STARD13: variants seen among roughly 807,000 people sequenced by gnomAD.
STARD13 encodes the protein StAR related lipid transfer domain containing 13.
A neutral mutation model predicts 106.4 loss-of-function variants in STARD13; 62 were observed. The observed-to-expected ratio is 0.58, with a 90% CI of 0.48 to 0.72. The LOEUF (loss-of-function observed/expected upper bound fraction) is 0.72, where lower values mean the gene tolerates loss of function less well. STARD13 is among the 30% of genes least tolerant of loss of function. The pLI is 0.00. For synonymous variants in STARD13, 565 were observed against 553.0 expected (o/e 1.02, Z -0.31); for missense variants, 1,387 against 1,424.0 (o/e 0.97, Z 0.42).
the STARD13 span, among the ~76,000 whole-genome samples, chr13:33,379,611 T>C: frequency 6.6e-6 from 1 of 152,244 alleles, no homozygotes; most frequent in African/African-American, 2.4e-5. Context: ...AATAAATAGA[T>C]AATACTGATG....
the STARD13 span, among the ~76,000 whole-genome samples, chr13:33,578,766 T>C: frequency 2.6e-5 from 4 of 152,122 alleles, no homozygotes; most frequent in Non-Finnish European, 5.9e-5. Flanking sequence ...AAAGGACTTA[T>C]ATCCAGAATC....
At chr13:33,650,164 A>ATGTTTTTTTTTTTTTTTTT in the STARD13 span, among the ~76,000 whole-genome samples, 3 of 48,358 alleles carry the variant, frequency 6.2e-5, no homozygotes, top group East Asian at 7.3e-4. Flanking sequence ...CGTGACTCCA[A>ATGTTTTTTTTTTTTTTTTT]TTTTTTTTTT....
intron 1 of STARD13, among the ~76,000 whole-genome samples, chr13:33,263,780 G>A (rs1890759494): frequency 6.6e-6 from 1 of 152,148 alleles, no homozygotes; most frequent in Non-Finnish European, 1.5e-5. Context: ...TCAGTTAGGT[G>A]CCAGCCACAT....
chr13:33,243,438 T>G (rs1889646355), intron 1 of STARD13, among the ~76,000 whole-genome samples: 1 of 152,060 alleles, frequency 6.6e-6, no homozygotes, highest in Non-Finnish European at 1.5e-5. Flanking sequence ...AGTACCTGGG[T>G]GTGGGAAGGG....
At chr13:33,607,299 CT>C in the STARD13 span, among the ~76,000 whole-genome samples, 2,427 of 137,326 alleles carry the variant, frequency 0.018, 39 homozygotes, top group African/African-American at 0.052. Context: ...ATCATTGTTT[CT>C]TTTTTTTTTT....
At chr13:33,461,846 T>C in the STARD13 span, among the ~76,000 whole-genome samples, 1 of 152,078 alleles carries the variant, frequency 6.6e-6, no homozygotes, top group Non-Finnish European at 1.5e-5. Context: ...CAAAAAAAAA[T>C]CTATCCTCTG....
the STARD13 span, among the ~76,000 whole-genome samples, chr13:33,494,241 C>T: frequency 2.0e-5 from 3 of 152,138 alleles, no homozygotes; most frequent in Admixed American, 1.3e-4. Flanking sequence ...CACCCAGTAT[C>T]CCCTTTCTGA....
At chr13:33,381,675 G>A in the STARD13 span, among the ~76,000 whole-genome samples, 2 of 152,162 alleles carry the variant, frequency 1.3e-5, no homozygotes. Context: ...AGGAGGCGGA[G>A]GTTGCAGTGA....
At chr13:33,495,371 A>T in the STARD13 span, among the ~76,000 whole-genome samples, 6 of 152,292 alleles carry the variant, frequency 3.9e-5, no homozygotes, top group Admixed American at 3.3e-4. Context: ...TTGTTAAGAA[A>T]ATGCTAACTT....
intron 1 of STARD13, among the ~76,000 whole-genome samples, chr13:33,334,589 C>T (rs2077873451): frequency 6.6e-6 from 1 of 152,238 alleles, no homozygotes. Context: ...AGGAGAGACC[C>T]TCAAGAGGTG....
intron 4 of STARD13, among the ~76,000 whole-genome samples, chr13:33,137,067 A>G (rs1281187843): frequency 6.6e-6 from 1 of 152,260 alleles, no homozygotes; most frequent in Non-Finnish European, 1.5e-5. Context: ...TATATTTATC[A>G]GTACTCACCT....
intron 1 of STARD13, among the ~76,000 whole-genome samples, chr13:33,184,031 G>GT (rs992795043): frequency 6.6e-6 from 1 of 152,200 alleles, no homozygotes; most frequent in Admixed American, 6.5e-5. Context: ...AATGGGATGA[G>GT]TTTTTTGGGG....
At chr13:33,421,538 A>G in the STARD13 span, among the ~76,000 whole-genome samples, 3 of 152,062 alleles carry the variant, frequency 2.0e-5, no homozygotes, top group Non-Finnish European at 4.4e-5. Flanking sequence ...TGTTACCATT[A>G]CTTCTGAAAC....
the STARD13 span, among the ~76,000 whole-genome samples, chr13:33,517,039 T>C: frequency 0.082 from 12,453 of 152,176 alleles, 550 homozygotes; most frequent in East Asian, 0.14. Context: ...TTAGGATATA[T>C]TGGTTTCAAT....
chr13:33,261,098 C>G (rs1282151814), intron 1 of STARD13, among the ~76,000 whole-genome samples: 1 of 152,156 alleles, frequency 6.6e-6, no homozygotes, highest in Non-Finnish European at 1.5e-5. Flanking sequence ...AAAGATTGAA[C>G]AAAGGAATGA....
In STARD13 at chr13:33,285,629, GA is replaced by G. The variant is rs1277484699; in HGVS notation, c.9del (p.Gln4ArgfsTer13). 1.2e-6 allele frequency: 2 copies of G among 1,612,954 alleles called. No homozygotes were observed. Among genetic ancestry groups the G allele is most frequent in the South Asian group, 1.1e-5 (1 of 90,982 alleles). On this transcript the variant is annotated frameshift_variant, in exon 1 of 14. Coordinates refer to ENST00000336934, the MANE Select transcript of STARD13 (RefSeq NM_178006.4). LOFTEE classifies it high-confidence loss of function. MFSQVPRTPASGC... is the reference protein window; with the variant it reads MFXQVPRTPASGC... ...CCTGAGGCTGGGGTCCTGGGCACCT[GA>G]CTGAACATCTCGGCAGATTTCCTAT...
At chr13:33,652,595 T>C in the STARD13 span, among the ~76,000 whole-genome samples, 1 of 152,192 alleles carries the variant, frequency 6.6e-6, no homozygotes, top group African/African-American at 2.4e-5. Flanking sequence ...ACCATTATTG[T>C]CTTCAAAGCC....
At position 33,115,407 on chromosome 13, in the gene STARD13, T is replaced by C. The variant is rs898382509; in HGVS notation, c.2282-2476A>G. ...AGTATGCTGACTCCCTGAGTCTCCA[T>C]GCTCGTCCAGTTCGGTGCCTCTTGT... On this transcript the variant is annotated intron_variant, in intron 8 of 13. Transcript: ENST00000336934. 7.9e-5 allele frequency among the ~76,000 whole-genome samples: 12 copies of C among 152,218 alleles called. 1 individual carries two copies. Among genetic ancestry groups the C allele is most frequent in the Admixed American group, 5.2e-4 (8 of 15,284 alleles).
At chr13:33,237,399 C>T (rs1033137762) in intron 1 of STARD13, among the ~76,000 whole-genome samples, 1 of 152,230 alleles carries the variant, frequency 6.6e-6, no homozygotes, top group African/African-American at 2.4e-5. Flanking sequence ...GTTAGTGCTG[C>T]AGGTGTAAGA....
Sources: gnomAD v4.1 joint callset for allele counts (sites outside exome capture counted in the v4.1 genomes callset) on GRCh38, gnomAD v4.1.1 for gene constraint, MANE v1.5 for transcripts, NCBI Gene and HGNC (gene_info 2026-07-23, HGNC 2026-07-21) for gene names.